KCNH5: variants seen among roughly 807,000 people sequenced by gnomAD.
KCNH5 encodes voltage-gated delayed rectifier potassium channel KCNH5.
In KCNH5, 46 loss-of-function variants were observed where a neutral mutation model predicts 96.1. That is an observed-to-expected ratio of 0.48 (90% CI 0.38 to 0.61). The LOEUF (loss-of-function observed/expected upper bound fraction) is 0.61. KCNH5 is among the 20% of genes least tolerant of loss of function. The probability of loss-of-function intolerance (pLI) is 0.00; values close to 1 mark genes in which losing one functional copy is unlikely to be tolerated. For synonymous variants in KCNH5, 439 were observed against 449.8 expected (o/e 0.98, Z 0.30); for missense variants, 907 against 1,225.8 (o/e 0.74, Z 3.88).
intron 9 of KCNH5, among the ~76,000 whole-genome samples, chr14:62,785,213 T>C (rs1171165770): frequency 1.3e-5 from 2 of 149,894 alleles, no homozygotes; most frequent in Non-Finnish European, 3.0e-5. Flanking sequence ...TTTAAAAAAA[T>C]TAATTAATTT....
chr14:62,988,103 G>GC (rs915365048), intron 4 of KCNH5, among the ~76,000 whole-genome samples: 1 of 151,982 alleles, frequency 6.6e-6, no homozygotes, highest in African/African-American at 2.4e-5. Flanking sequence ...TTCTTCTGGG[G>GC]CCTCAAATTG....
intron 1 of KCNH5, among the ~76,000 whole-genome samples, chr14:63,018,798 A>C (rs1329535058): frequency 3.9e-5 from 6 of 152,112 alleles, no homozygotes; most frequent in Non-Finnish European, 5.9e-5. Context: ...CAATGTATTG[A>C]TATAATGTCC....
intron 10 of KCNH5, among the ~76,000 whole-genome samples, chr14:62,713,732 AT>A (rs1474797827): frequency 1.3e-5 from 2 of 152,212 alleles, no homozygotes; most frequent in Admixed American, 6.5e-5. Context: ...GTTTAAAAGA[AT>A]GTACAAATAT....
At chr14:62,737,650 T>C (rs560803989) in intron 10 of KCNH5, among the ~76,000 whole-genome samples, 1 of 152,304 alleles carries the variant, frequency 6.6e-6, no homozygotes, top group Admixed American at 6.5e-5. Flanking sequence ...AGTGATTCTG[T>C]ATATTAAGAG....
chr14:63,016,089 T>C (rs1020990964), intron 2 of KCNH5, among the ~76,000 whole-genome samples: 49 of 151,612 alleles, frequency 3.2e-4, no homozygotes, highest in African/African-American at 1.0e-3. Flanking sequence ...TTCCTTGTAG[T>C]TCTAAAATAA....
At chr14:62,945,739 T>C (rs1192845194) in intron 7 of KCNH5, among the ~76,000 whole-genome samples, 1 of 152,020 alleles carries the variant, frequency 6.6e-6, no homozygotes, top group Non-Finnish European at 1.5e-5. Flanking sequence ...GAGAGCCACA[T>C]GAATTCGGGT....
At chr14:63,033,116 G>T (rs920491054) in intron 1 of KCNH5, among the ~76,000 whole-genome samples, 1 of 152,096 alleles carries the variant, frequency 6.6e-6, no homozygotes, top group South Asian at 2.1e-4. Context: ...GTCGACTACC[G>T]CAAGACCAGA....
intron 3 of KCNH5, among the ~76,000 whole-genome samples, chr14:63,002,110 T>C (rs1168417900): frequency 6.6e-6 from 1 of 152,006 alleles, no homozygotes; most frequent in Non-Finnish European, 1.5e-5. Flanking sequence ...TGAAGAAAAA[T>C]AGACGTGTCC....
chr14:62,712,748 T>A, intron 10 of KCNH5: 1 of 773,078 alleles, frequency 1.3e-6, no homozygotes, highest in Admixed American at 1.7e-5. Flanking sequence ...CAATTGAAGC[T>A]GTATACTTGC....
At position 62,949,527 on chromosome 14, in the gene KCNH5, C is replaced by G. The variant is rs940475558; in HGVS notation, c.1369+606G>C. ...GGTCTTTGTTCCTTTAGGGGGTATT[C>G]TACTTCCAAGAACTTGGTACCCAGG... On this transcript the variant is annotated intron_variant, in intron 7 of 10. Coordinates refer to ENST00000322893, the MANE Select transcript of KCNH5 (RefSeq NM_139318.5). Among the ~76,000 whole-genome samples the G allele has an allele frequency of 3.3e-5, 5 of 152,238 alleles. No individual in the cohort carries two copies. The East Asian group carries it at 9.7e-4, about 29-fold the overall frequency.
rs1193458157 is a variant in KCNH5, at chr14:62,730,826, A to G, written c.2020-22371T>C. Among the ~76,000 whole-genome samples, 9 of 152,226 alleles carry G rather than the reference A, an allele frequency of 5.9e-5. No individual in the cohort carries two copies. In the East Asian group the frequency reaches 1.7e-3, roughly 29 times the overall value. On this transcript the variant is annotated intron_variant, in intron 10 of 10. Coordinates refer to ENST00000322893, the MANE Select transcript of KCNH5 (RefSeq NM_139318.5). The stretch of plus-strand genomic sequence containing the variant: ...TCAAAAGCTGGTAGAGTAAAACCAC[A>G]AAGGAATAATTTACAACTGGGTTGT...
chr14:62,877,920 C>G (rs1002922994), intron 7 of KCNH5, among the ~76,000 whole-genome samples: 2 of 151,672 alleles, frequency 1.3e-5, no homozygotes, highest in Non-Finnish European at 2.9e-5. Flanking sequence ...GCACTATTCA[C>G]AATAGCAAAG....
rs544813873 is a variant in KCNH5 at position 62,715,444 on chromosome 14, G to A, written c.2020-6989C>T. ...TTACTGCTTCCATCATCTTAGTCAC[G>A]AATTCTAACTCTAGCCCTCCAATCC... On this transcript the variant is annotated intron_variant, in intron 10 of 10. Transcript: ENST00000322893. 7.2e-5 allele frequency among the ~76,000 whole-genome samples: 11 copies of A among 152,242 alleles called. No individual in the cohort carries two copies. The South Asian group carries it at 1.5e-3, about 20-fold the overall frequency.
chr14:63,006,588 T>C, intron 2 of KCNH5, 116 bp from the exon 3 acceptor site: 2 of 635,036 alleles, frequency 3.1e-6, no homozygotes, highest in East Asian at 2.8e-5. Flanking sequence ...ATAATATTGC[T>C]CCTACACAGA....
At chr14:62,915,442 T>C (rs969848664) in intron 7 of KCNH5, among the ~76,000 whole-genome samples, 1 of 152,204 alleles carries the variant, frequency 6.6e-6, no homozygotes, top group African/African-American at 2.4e-5. Context: ...GCTTATATTC[T>C]TTCCCAGTAG....
intron 5 of KCNH5, among the ~76,000 whole-genome samples, 181 bp downstream of exon 5, chr14:62,986,891 T>C (rs1037360495): frequency 4.6e-5 from 7 of 152,186 alleles, no homozygotes; most frequent in African/African-American, 1.7e-4. Flanking sequence ...ACACTCCCAT[T>C]TCAAAAGTTG....
chr14:62,969,660 T>C (rs1890365969), intron 6 of KCNH5, among the ~76,000 whole-genome samples: 1 of 151,782 alleles, frequency 6.6e-6, no homozygotes. Context: ...ACCTAGGTGA[T>C]GGATTGATTG....
At chr14:62,795,372 G>A (rs1486803398) in intron 9 of KCNH5, among the ~76,000 whole-genome samples, 1 of 151,984 alleles carries the variant, frequency 6.6e-6, no homozygotes, top group African/African-American at 2.4e-5. Context: ...AAAATATTTG[G>A]GGTAAAAAAT....
At chr14:63,019,710 G>A (rs1024759980) in intron 1 of KCNH5, among the ~76,000 whole-genome samples, 1 of 151,828 alleles carries the variant, frequency 6.6e-6, no homozygotes, top group East Asian at 1.9e-4. Flanking sequence ...AATATAAAAG[G>A]GAAAATTATA....
Sources: allele counts gnomAD v4.1 joint callset (sites outside exome capture counted in the v4.1 genomes callset), GRCh38; gene constraint gnomAD v4.1.1; transcripts MANE v1.5; gene names NCBI Gene and HGNC (gene_info 2026-07-23, HGNC 2026-07-21).